The following STXBP5L variants were observed in gnomAD, a reference collection of about 807,000 sequenced individuals.
STXBP5L encodes syntaxin binding protein 5L.
STXBP5L carries 65 observed loss-of-function variants against 144.5 expected under a neutral mutation model. The ratio of observed to expected loss-of-function variants is 0.45; its 90% CI spans 0.37 to 0.55. The LOEUF (loss-of-function observed/expected upper bound fraction) is 0.55, where lower values mean the gene tolerates loss of function less well. Among genes scored for constraint, STXBP5L ranks in the 20% least tolerant of loss-of-function variants. The pLI is 0.00. For synonymous variants in STXBP5L, 505 were observed against 469.6 expected, an observed-to-expected ratio of 1.08 and a Z score of -0.97; for missense variants, 1,298 against 1,405.5, an observed-to-expected ratio of 0.92 and a Z score of 1.22.
intron 5 of STXBP5L, among the ~76,000 whole-genome samples, chr3:121,067,615 A>G (rs888401202): frequency 5.9e-5 from 9 of 152,122 alleles, no homozygotes; most frequent in African/African-American, 2.2e-4. Flanking sequence ...TATATATGTA[A>G]ATTTGACTAA....
intron 14 of STXBP5L, among the ~76,000 whole-genome samples, chr3:121,247,036 A>T (rs1366726730): frequency 6.6e-6 from 1 of 152,226 alleles, no homozygotes; most frequent in East Asian, 1.9e-4. Flanking sequence ...ACTAAAAATT[A>T]TCAAACTGTA....
intron 9 of STXBP5L, among the ~76,000 whole-genome samples, chr3:121,181,284 C>G (rs2047142576): frequency 3.3e-5 from 5 of 151,930 alleles, no homozygotes; most frequent in Admixed American, 3.3e-4. Flanking sequence ...CCATTCCACT[C>G]CAGCCTGGGC....
rs912405050 is a variant in STXBP5L, at chr3:121,420,924, G to A, written c.*1827G>A. The A allele has an allele frequency of 6.6e-6, 1 of 152,108 alleles. No individual in the cohort carries two copies. Among genetic ancestry groups the A allele is most frequent in the African/African-American group, 2.4e-5 (1 of 41,430 alleles). The allele number at this position is 152,108 out of a possible 1,614,324, so 9.4% of individuals were successfully genotyped here. On this transcript the variant is annotated 3_prime_UTR_variant, in exon 27 of 27. Coordinates refer to ENST00000471454, the MANE Select transcript of STXBP5L (RefSeq NM_001308330.2). ...GAGTTAGATAATGTACACTAGGATA[G>A]CATTTCTCAGAGTCCTTGAATCCTC... is the stretch of plus-strand genomic sequence containing the variant.
chr3:121,249,288 C>A (rs78304771), intron 14 of STXBP5L, among the ~76,000 whole-genome samples: 2,314 of 152,136 alleles, frequency 0.015, 31 homozygotes, highest in Non-Finnish European at 0.021. Context: ...ATTGTGATTA[C>A]ATTGAATTTA....
At chr3:121,187,763 C>G (rs2047458272) in intron 9 of STXBP5L, among the ~76,000 whole-genome samples, 1 of 151,882 alleles carries the variant, frequency 6.6e-6, no homozygotes, top group East Asian at 1.9e-4. Flanking sequence ...GATAAAGAGT[C>G]AAGGCCCATT....
At chr3:121,096,044 T>A (rs1401220149) in intron 5 of STXBP5L, among the ~76,000 whole-genome samples, 1 of 152,128 alleles carries the variant, frequency 6.6e-6, no homozygotes, top group Non-Finnish European at 1.5e-5. Context: ...CCCCTTGTGC[T>A]TCCTGGGTGA....
chr3:121,132,418 G>T (rs2045034356), intron 7 of STXBP5L, among the ~76,000 whole-genome samples: 1 of 152,134 alleles, frequency 6.6e-6, no homozygotes, highest in Non-Finnish European at 1.5e-5. Context: ...TACCCCACTG[G>T]GGTCAGCACA....
chr3:120,995,611 T>A (rs935844071), intron 3 of STXBP5L, among the ~76,000 whole-genome samples: 1 of 152,154 alleles, frequency 6.6e-6, no homozygotes, highest in Non-Finnish European at 1.5e-5. Context: ...ACATGTAAAT[T>A]ATCACAGTCT....
intron 8 of STXBP5L, among the ~76,000 whole-genome samples, chr3:121,153,339 A>G (rs1312325221): frequency 2.0e-5 from 3 of 152,080 alleles, no homozygotes; most frequent in African/African-American, 7.2e-5. Context: ...TACCTGTGGA[A>G]ACAAAGGTGA....
At chr3:120,932,956 C>A (rs1052052926) in intron 2 of STXBP5L, among the ~76,000 whole-genome samples, 4 of 149,204 alleles carry the variant, frequency 2.7e-5, no homozygotes, top group African/African-American at 7.4e-5. Context: ...GACAAAAAAC[C>A]AAACACCACA....
intron 20 of STXBP5L, among the ~76,000 whole-genome samples, chr3:121,350,646 C>G (rs1450632178): frequency 6.6e-6 from 1 of 152,146 alleles, no homozygotes; most frequent in East Asian, 1.9e-4. Context: ...TTCTTGGAGG[C>G]TTTGTTCGTT....
chr3:120,923,609 A>T (rs758246078), intron 2 of STXBP5L, among the ~76,000 whole-genome samples: 5 of 151,698 alleles, frequency 3.3e-5, no homozygotes, highest in Non-Finnish European at 7.4e-5. Context: ...GTCATTCAAG[A>T]GCATGTTGTT....
chr3:121,354,508 C>CTTTTTTTTTT lies in STXBP5L; in HGVS notation c.2177-24196_2177-24187dup, dbSNP rs145703750. Among the ~76,000 whole-genome samples, 7 of 67,542 alleles carry CTTTTTTTTTT rather than the reference C, an allele frequency of 1.0e-4. 1 individual carries two copies. The highest frequency in any genetic ancestry group is 8.1e-5 in the Non-Finnish European group (3 of 37,030). 44.3% of individuals were successfully genotyped at this position (67,542 alleles called of 152,430 possible). On this transcript the variant is annotated intron_variant, in intron 20 of 26. Transcript: ENST00000471454. ...GTCAGAGGCTAGAATTGCAACCCTG[C>CTTTTTTTTTT]TTTTTTTTTTTTTTTTTTTTTGCTC... is the stretch of plus-strand genomic sequence containing the variant.
At chr3:121,343,595 A>G (rs1206688655) in intron 20 of STXBP5L, among the ~76,000 whole-genome samples, 6 of 152,150 alleles carry the variant, frequency 3.9e-5, no homozygotes, top group African/African-American at 1.4e-4. Context: ...GCATTCTTAT[A>G]CACCAATAAC....
chr3:121,343,504 G>GT (rs2044817794), intron 20 of STXBP5L, among the ~76,000 whole-genome samples: 2 of 152,084 alleles, frequency 1.3e-5, no homozygotes, highest in Admixed American at 1.3e-4. Context: ...AAACCCCATT[G>GT]TCTCAGCCCA....
intron 18 of STXBP5L, among the ~76,000 whole-genome samples, chr3:121,274,627 G>A (rs1577348405): frequency 6.6e-6 from 1 of 152,346 alleles, no homozygotes; most frequent in South Asian, 2.1e-4. Context: ...TGAAGCCAGG[G>A]CTCTGTGGTC....
At chr3:121,228,524 T>C (rs1339336424) in intron 11 of STXBP5L, among the ~76,000 whole-genome samples, 1 of 152,200 alleles carries the variant, frequency 6.6e-6, no homozygotes, top group Non-Finnish European at 1.5e-5. Flanking sequence ...CAGAGGATGG[T>C]TGTTAAACAC....
chr3:121,213,132 A>T (rs2048642800), intron 10 of STXBP5L, among the ~76,000 whole-genome samples: 1 of 152,132 alleles, frequency 6.6e-6, no homozygotes, highest in Non-Finnish European at 1.5e-5. Flanking sequence ...GGGTTTTCTA[A>T]ATATGCAATC....
intron 23 of STXBP5L, among the ~76,000 whole-genome samples, chr3:121,410,572 C>A (rs1266910588): frequency 6.6e-6 from 1 of 151,878 alleles, no homozygotes; most frequent in Non-Finnish European, 1.5e-5. Context: ...TCTCCTGAGC[C>A]CAGTCTTCTC....
Sources: gnomAD v4.1 joint callset for allele counts (sites outside exome capture counted in the v4.1 genomes callset) on GRCh38, gnomAD v4.1.1 for gene constraint, MANE v1.5 for transcripts, NCBI Gene and HGNC (gene_info 2026-07-23, HGNC 2026-07-21) for gene names.